The following ADAMTS9 variants were observed in gnomAD, a reference collection of about 807,000 sequenced individuals.
The protein encoded by ADAMTS9 is A disintegrin and metalloproteinase with thrombospondin motifs 9.
In ADAMTS9, 107 loss-of-function variants were observed where a neutral mutation model predicts 257.1. The observed-to-expected ratio is 0.42, with a 90% CI of 0.36 to 0.49. The LOEUF is 0.49. ADAMTS9 is among the 20% of genes least tolerant of loss of function. The probability of loss-of-function intolerance (pLI) is 0.03; values close to 1 mark genes in which losing one functional copy is unlikely to be tolerated. For synonymous variants in ADAMTS9, 982 were observed against 880.9 expected (o/e 1.11, Z -2.03); for missense variants, 2,353 against 2,469.1 (o/e 0.95, Z 1.00).
At chr3:64,583,458 G>C (rs939569909) in intron 28 of ADAMTS9, 1 of 152,120 alleles carries the variant, frequency 6.6e-6, no homozygotes, top group Non-Finnish European at 1.5e-5. Flanking sequence ...TTCAGCTTTC[G>C]CTTTTGAATG....
chr3:64,610,740 C>A (rs2084650135), intron 22 of ADAMTS9, among the ~76,000 whole-genome samples: 1 of 151,874 alleles, frequency 6.6e-6, no homozygotes, highest in African/African-American at 2.4e-5. Flanking sequence ...AATAAAAATG[C>A]AAAATTATGC....
chr3:64,576,471 T>G (rs1181999985), intron 28 of ADAMTS9, among the ~76,000 whole-genome samples: 2 of 152,178 alleles, frequency 1.3e-5, no homozygotes, highest in Non-Finnish European at 2.9e-5. Flanking sequence ...AGAATGGCTC[T>G]GAACAGTGGC....
intron 36 of ADAMTS9, among the ~76,000 whole-genome samples, chr3:64,539,524 C>T (rs985580594): frequency 6.6e-6 from 1 of 152,084 alleles, no homozygotes; most frequent in Admixed American, 6.5e-5. Context: ...TCATCAGCCC[C>T]GAATGTCTGT....
chr3:64,676,006 G>T (rs1018510558), intron 3 of ADAMTS9, among the ~76,000 whole-genome samples: 2 of 152,124 alleles, frequency 1.3e-5, no homozygotes, highest in African/African-American at 2.4e-5. Context: ...TCTAATGGGA[G>T]TGATAAACAG....
At chr3:64,540,963 T>C in intron 36 of ADAMTS9, 132 bp downstream of exon 36, 1 of 1,293,930 alleles carries the variant, frequency 7.7e-7, no homozygotes, top group Non-Finnish European at 1.1e-6. Context: ...ATGTTCTTCC[T>C]CTCCATACTA....
At chr3:64,542,718 G>C (rs1388127001) in intron 32 of ADAMTS9, among the ~76,000 whole-genome samples, 4 of 152,064 alleles carry the variant, frequency 2.6e-5, no homozygotes, top group African/African-American at 9.7e-5. Context: ...AGAGAAGCAA[G>C]AACAAACACA....
chr3:64,649,395 A>AT lies in ADAMTS9; in HGVS notation c.1605+241dup, dbSNP rs1355956198. ...TTTCACTTGTAAAATGAAAGTGATG[A>AT]TGGCATCTTCCTTTTGGACTGTCAC... On this transcript the variant is annotated intron_variant, in intron 10 of 39. Coordinates refer to ENST00000498707, the MANE Select transcript of ADAMTS9 (RefSeq NM_182920.2). 2.0e-5 allele frequency among the ~76,000 whole-genome samples: 3 copies of AT among 152,298 alleles called. No homozygotes were observed. In the East Asian group the frequency reaches 5.8e-4, roughly 29 times the overall value.
At position 64,602,032 on chromosome 3, in the gene ADAMTS9, T is replaced by C. The variant is rs2084471454; in HGVS notation, c.3929A>G (p.Gln1310Arg). ...GCTCCGGGGACGATAGTCCTCATTT[T>C]GGAAGGGGTGCTGAGCTAAGCCACT... ...PDSGLAQHPFQNEDYRPRSAS... is the reference protein window; with the variant it reads ...PDSGLAQHPFRNEDYRPRSAS... The change falls in exon 26 of 40, where the codon CAA (glutamine) becomes CGA (arginine). Residue 1310 changes from glutamine (Q) to arginine (R), a missense_variant. Gln to Arg is a conservative substitution (Grantham distance 43). This residue lies in a region of ADAMTS9 where 1,402 missense variants were observed against 1,441.4 expected (regional missense o/e 0.97). Coordinates refer to ENST00000498707, the MANE Select transcript of ADAMTS9 (RefSeq NM_182920.2). 3 of 1,613,908 alleles carry C rather than the reference T, an allele frequency of 1.9e-6. No individual in the cohort carries two copies. The highest frequency in any genetic ancestry group is 3.3e-4 in the Middle Eastern group (2 of 6,082).
chr3:64,622,525 T>G lies in ADAMTS9; in HGVS notation c.2451A>C (p.Lys817Asn), dbSNP rs1700134200. The G allele has an allele frequency of 6.2e-7, 1 of 1,614,012 alleles. No homozygotes were observed. The highest frequency in any genetic ancestry group is 8.5e-7 in the Non-Finnish European group (1 of 1,180,000). The change falls in exon 17 of 40, where the codon AAA becomes AAC. Residue 817 changes from lysine (K) to asparagine (N), a missense_variant. By Grantham distance (94) the Lys-to-Asn change is moderately conservative. Around this residue, in one of 3 missense-constraint regions of ADAMTS9, gnomAD observed 360 missense variants for 458.1 expected, o/e 0.79. Coordinates refer to ENST00000498707, the MANE Select transcript of ADAMTS9 (RefSeq NM_182920.2). ...CAGCATTCCCAATGCGAATTTCCCTTTTGGCCATTGTGACAACAAAGTTTC... is the reference window on the plus strand; with the variant it reads ...CAGCATTCCCAATGCGAATTTCCCTGTTGGCCATTGTGACAACAAAGTTTC... ...LNGNFVVTMA[K>N]REIRIGNAVV... is the part of the protein sequence containing the mutation.
In ADAMTS9 at chr3:64,546,644, C is replaced by T. The variant is rs2083203388; in HGVS notation, c.5064+114G>A. ...GTTAGCCCATTTCAAGTTGCTAACT[C>T]CAGGGTTTCTCCTGGAAGTAGAGTT... On this transcript the variant is annotated intron_variant, in intron 32 of 39. Transcript: ENST00000498707. The T allele has an allele frequency of 2.6e-6, 3 of 1,169,384 alleles. No homozygotes were observed. The South Asian group carries it at 5.0e-5, about 19-fold the overall frequency. The allele number at this position is 1,169,384 out of a possible 1,614,324, so 72.4% of individuals were successfully genotyped here.
At chr3:64,520,055 C>T (rs1389482915) in intron 39 of ADAMTS9, among the ~76,000 whole-genome samples, 1 of 152,068 alleles carries the variant, frequency 6.6e-6, no homozygotes, top group Non-Finnish European at 1.5e-5. Context: ...CTAAATATTC[C>T]ACCAAAAGAT....
rs1174195659 is a variant in ADAMTS9, at chr3:64,647,477, G to T, written c.1710+463C>A. ...TGAATGACATTATAGCTCCTTAAAG[G>T]GAACAACACCGGTTGGCAAAAGCCT... On this transcript the variant is annotated intron_variant, in intron 11 of 39. Transcript: ENST00000498707. 2.0e-5 allele frequency among the ~76,000 whole-genome samples: 3 copies of T among 152,198 alleles called. No homozygotes were observed. In the East Asian group the frequency reaches 5.8e-4, roughly 29 times the overall value.
intron 37 of ADAMTS9, among the ~76,000 whole-genome samples, chr3:64,534,908 T>A (rs148498296): frequency 6.6e-6 from 1 of 152,208 alleles, no homozygotes; most frequent in East Asian, 1.9e-4. Flanking sequence ...GAAAACCTGG[T>A]ACAAAGGGTA....
chr3:64,665,405 A>T (rs904795495), intron 3 of ADAMTS9, among the ~76,000 whole-genome samples: 1 of 152,168 alleles, frequency 6.6e-6, no homozygotes, highest in African/African-American at 2.4e-5. Flanking sequence ...TCCCACTTAC[A>T]ATGTGGAGTA....
chr3:64,687,697 C>T lies in ADAMTS9; in HGVS notation c.-40G>A. On this transcript the variant is annotated 5_prime_UTR_variant, in exon 1 of 40. Transcript: ENST00000498707. This position sits in a 1 kb window ranked among gnomAD's most constrained non-coding sequence, Gnocchi z 4.4. ...CTCCCTCCGCTGCCCCCACCCCCCT[C>T]CCTCCTGCCCTCCTTGGCTGCGGCG... 7.2e-7 allele frequency: 1 copy of T among 1,387,926 alleles called. No homozygotes were observed. The highest frequency in any genetic ancestry group is 9.6e-7 in the Non-Finnish European group (1 of 1,036,594). The allele number at this position is 1,387,926 out of a possible 1,614,324, so 86.0% of individuals were successfully genotyped here. A position where few individuals can be genotyped will look rare whatever the true frequency, so the allele number is the denominator to read the frequency against.
chr3:64,518,350 C>T (rs2082806453), intron 39 of ADAMTS9, among the ~76,000 whole-genome samples: 1 of 152,138 alleles, frequency 6.6e-6, no homozygotes, highest in Non-Finnish European at 1.5e-5. Context: ...TCTTCAAGAG[C>T]CTTACACGGT....
At chr3:64,629,141 T>C (rs1243819633) in intron 16 of ADAMTS9, among the ~76,000 whole-genome samples, 1 of 152,158 alleles carries the variant, frequency 6.6e-6, no homozygotes, top group African/African-American at 2.4e-5. Context: ...ATACTGCCAC[T>C]TTCACTGCTC....
At position 64,524,805 on chromosome 3, in the gene ADAMTS9, A is replaced by C. The variant is rs12629035; in HGVS notation, c.5719-2545T>G. On this transcript the variant is annotated intron_variant, in intron 38 of 39. Coordinates refer to ENST00000498707, the MANE Select transcript of ADAMTS9 (RefSeq NM_182920.2). ...CCATAGAGTCTGTCTTTGCCTCTGC[A>C]GATTCATCTGGTACCATTCTGTACT... Among the ~76,000 whole-genome samples the C allele has an allele frequency of 1.1e-3, 171 of 152,328 alleles. 2 individuals carry two copies. The East Asian group carries it at 0.026, about 23-fold the overall frequency.
chr3:64,572,352 T>C (rs1033872306), intron 28 of ADAMTS9, among the ~76,000 whole-genome samples: 5 of 152,116 alleles, frequency 3.3e-5, no homozygotes, highest in African/African-American at 1.2e-4. Context: ...ATTCATCTGG[T>C]GGAAAGGAAA....
Sources: gnomAD v4.1 joint callset for allele counts (sites outside exome capture counted in the v4.1 genomes callset) on GRCh38, gnomAD v4.1.1 for gene constraint, gnomAD v4.1.1 regional missense constraint, Gnocchi (gnomAD v3.1) non-coding constraint, MANE v1.5 for transcripts, NCBI Gene and HGNC (gene_info 2026-07-23, HGNC 2026-07-21) for gene names.